Variants in F13B observed in about 807,000 individuals in gnomAD.
F13B encodes coagulation factor XIII B chain.
A neutral mutation model predicts 79.8 loss-of-function variants in F13B; 58 were observed. That is an observed-to-expected ratio of 0.73 (90% CI 0.59 to 0.90). The LOEUF (loss-of-function observed/expected upper bound fraction) is 0.90, where lower values mean the gene tolerates loss of function less well. F13B is among the 40% of genes least tolerant of loss of function. The probability of loss-of-function intolerance (pLI) is 0.00; values close to 1 mark genes in which losing one functional copy is unlikely to be tolerated. For missense variants in F13B, 773 were observed against 777.0 expected (o/e 0.99, Z 0.06); for synonymous variants, 283 against 260.3 (o/e 1.09, Z -0.84).
intron 11 of F13B, 39 bp downstream of exon 11, chr1:197,040,483 C>CA (rs750749748): frequency 2.9e-5 from 41 of 1,438,178 alleles, no homozygotes; most frequent in South Asian, 3.5e-5. Flanking sequence ...ACAATCTGAC[C>CA]AAAAAAAATA....
At position 197,052,666 on chromosome 1, in the gene F13B, C is replaced by T. The variant is rs1655490491; in HGVS notation, c.1523G>A (p.Gly508Glu). 1.2e-6 allele frequency: 2 copies of T among 1,611,298 alleles called. No homozygotes were observed. The highest frequency in any genetic ancestry group is 1.1e-5 in the South Asian group (1 of 90,986). The change falls in exon 9 of 12, where the codon GGA (glycine) becomes GAA (glutamate). Residue 508 changes from glycine (G) to glutamate (E), a missense_variant. Coordinates refer to ENST00000367412, the MANE Select transcript of F13B (RefSeq NM_001994.3). ...AGTACATAAAGGATATTTCACTTCT[C>T]CTCTGTTGCACTGCACAGATAATTC... ...LSELSVQCNR[G>E]EVKYPLCTRK...
Position 197,040,753 on chromosome 1 carries a change from A to T in F13B, c.1739-18T>A. On this transcript the variant is annotated intron_variant, in intron 10 of 11. Coordinates refer to ENST00000367412, the MANE Select transcript of F13B (RefSeq NM_001994.3). ...GCATGGCTCTGGGAACAACAATTTA[A>T]AAAAAAAGAAAGAAAAAGAAGAAAA... is the stretch of plus-strand genomic sequence containing the variant. 6.4e-7 allele frequency: 1 copy of T among 1,570,586 alleles called. No individual in the cohort carries two copies. Among genetic ancestry groups the T allele is most frequent in the Non-Finnish European group, 8.7e-7 (1 of 1,149,018 alleles).
intron 9 of F13B, 121 bp downstream of exon 9, chr1:197,052,513 A>G: frequency 1.5e-6 from 1 of 685,532 alleles, no homozygotes; most frequent in Non-Finnish European, 2.4e-6. Context: ...ATAAAATAAA[A>G]TAAAACAAAA....
At position 197,062,865 on chromosome 1, in the gene F13B, C is replaced by T; in HGVS notation, c.257G>A (p.Arg86Lys). 6.2e-7 allele frequency: 1 copy of T among 1,613,742 alleles called. No homozygotes were observed. The highest frequency in any genetic ancestry group is 8.5e-7 in the Non-Finnish European group (1 of 1,179,738). ...ATATCCAGCTGACTTACTGAAGCAC[C>T]TTGGCTCTGGAGACCAGCCTTCTGT... ...CTTEGWSPEP[R>K]CFKKCTKPDL... Residue 86 changes from arginine to lysine, a missense_variant, in exon 2 of 12, where the codon AGG becomes AAG. Transcript: ENST00000367412.
intron 10 of F13B, 86 bp downstream of exon 10, chr1:197,050,611 A>T: frequency 8.7e-7 from 1 of 1,144,392 alleles, no homozygotes; most frequent in East Asian, 2.5e-5. Flanking sequence ...ATATAGCATT[A>T]TATTAGTGTT....
chr1:197,061,089 A>G lies in F13B; in HGVS notation c.452-14T>C. On this transcript the variant is annotated splice_polypyrimidine_tract_variant and intron_variant, in intron 3 of 11. Transcript: ENST00000367412. ...CCAAACATGTTTCTAAAATTATAAA[A>G]ATTATTTATTTTATAAACTTTTTTA... The G allele has an allele frequency of 7.9e-7, 1 of 1,267,390 alleles. No homozygotes were observed. The highest frequency in any genetic ancestry group is 1.1e-6 in the Non-Finnish European group (1 of 927,018). 78.5% of individuals were successfully genotyped at this position (1,267,390 alleles called of 1,614,324 possible).
At chr1:197,046,191 A>G (rs965675681) in intron 10 of F13B, among the ~76,000 whole-genome samples, 1 of 152,176 alleles carries the variant, frequency 6.6e-6, no homozygotes, top group Non-Finnish European at 1.5e-5. Flanking sequence ...AAAGAAATAA[A>G]TGGTATTAAA....
Position 197,038,864 on chromosome 1 carries a change from A to G in F13B, c.*514T>C, listed in dbSNP as rs1232043599. ...AACGTTGTAGCAAATATTACAGTTA[A>G]TTTTAAAAGTTTTTTACATTTAGAA... On this transcript the variant is annotated 3_prime_UTR_variant, in exon 12 of 12. Coordinates refer to ENST00000367412, the MANE Select transcript of F13B (RefSeq NM_001994.3). Among the ~76,000 whole-genome samples the G allele has an allele frequency of 6.6e-6, 1 of 152,044 alleles. No individual in the cohort carries two copies. The highest frequency in any genetic ancestry group is 1.5e-5 in the Non-Finnish European group (1 of 67,984).
intron 9 of F13B, among the ~76,000 whole-genome samples, chr1:197,051,596 A>AT (rs1171050287): frequency 6.6e-6 from 1 of 151,988 alleles, no homozygotes; most frequent in Non-Finnish European, 1.5e-5. Context: ...AAACCTCTTG[A>AT]TTTTTTCCCT....
At chr1:197,043,073 C>T (rs1655101408) in intron 10 of F13B, among the ~76,000 whole-genome samples, 1 of 151,918 alleles carries the variant, frequency 6.6e-6, no homozygotes, top group African/African-American at 2.4e-5. Flanking sequence ...CTAGCTTTTC[C>T]CTAAGGTACT....
rs1373782383 is a variant in F13B, at chr1:197,050,804, T to C, written c.1631A>G (p.Glu544Gly). The stretch of plus-strand genomic sequence containing the variant: ...TCTGTATTCTACTGAAGAGCCATTT[T>C]CATAGGTGTCTACTGTTGAACTAAT... ...VIISSTVDTY[E>G]NGSSVEYRCF... The change falls in exon 10 of 12, where the codon GAA becomes GGA. Residue 544 changes from glutamate to glycine, a missense_variant. Physicochemically the swap from Glu to Gly is moderately conservative, Grantham distance 98. Coordinates refer to ENST00000367412, the MANE Select transcript of F13B (RefSeq NM_001994.3). 6.2e-7 allele frequency: 1 copy of C among 1,613,452 alleles called. No individual in the cohort carries two copies. Among genetic ancestry groups the C allele is most frequent in the Admixed American group, 1.7e-5 (1 of 59,874 alleles).
At chr1:197,049,927 T>C (rs963315902) in intron 10 of F13B, among the ~76,000 whole-genome samples, 7 of 152,136 alleles carry the variant, frequency 4.6e-5, no homozygotes, top group African/African-American at 1.7e-4. Context: ...GTAATAATTA[T>C]GTAATTATTT....
chr1:197,055,545 A>G (rs972909826), intron 8 of F13B, among the ~76,000 whole-genome samples, 170 bp downstream of exon 8: 1 of 152,152 alleles, frequency 6.6e-6, no homozygotes, highest in Admixed American at 6.6e-5. Context: ...ATATTTTACC[A>G]CAATAGAAAA....
In F13B at chr1:197,060,988, C is replaced by T. The variant is rs985149391; in HGVS notation, c.539G>A (p.Cys180Tyr). Residue 180 changes from cysteine to tyrosine, a missense_variant, in exon 4 of 12, where the codon TGT becomes TAT. Coordinates refer to ENST00000367412, the MANE Select transcript of F13B (RefSeq NM_001994.3). The stretch of plus-strand genomic sequence containing the variant: ...TCCAGCTGTGTAGTAGCCAGTAGCA[C>T]ATTCGTATTGTACTTTGTCCTTCAC... ...FKVKDKVQYE[C>Y]ATGYYTAGGK... 6.2e-7 allele frequency: 1 copy of T among 1,611,648 alleles called. No homozygotes were observed. The highest frequency in any genetic ancestry group is 8.5e-7 in the Non-Finnish European group (1 of 1,178,048).
chr1:197,052,759 A>G lies in F13B; in HGVS notation c.1430T>C (p.Leu477Ser). The G allele has an allele frequency of 2.5e-6, 4 of 1,611,132 alleles. No homozygotes were observed. Among genetic ancestry groups the G allele is most frequent in the Non-Finnish European group, 3.4e-6 (4 of 1,178,398 alleles). ...TACAAAATCTATTAAATCTCCATGT[A>G]AGACTTTCCCTTCATATTTCCACTT... ...EMKWKYEGKV[L>S]HGDLIDFVCK... The change falls in exon 9 of 12, where the codon TTA becomes TCA. Residue 477 changes from leucine to serine, a missense_variant. Physicochemically the swap from Leu to Ser is moderately radical, Grantham distance 145. Transcript: ENST00000367412.
chr1:197,045,264 C>A (rs1040932431), intron 10 of F13B, among the ~76,000 whole-genome samples: 1 of 151,612 alleles, frequency 6.6e-6, no homozygotes, highest in Non-Finnish European at 1.5e-5. Flanking sequence ...AGACTGAGAG[C>A]AAGACTAATA....
rs1655929237 is a variant in F13B, at chr1:197,063,137, TAA to T, written c.65-82_65-81del. 2.3e-6 allele frequency: 3 copies of T among 1,279,574 alleles called. No homozygotes were observed. In the South Asian group the frequency reaches 3.7e-5, roughly 16 times the overall value. The allele number at this position is 1,279,574 out of a possible 1,614,324, so 79.3% of individuals were successfully genotyped here. A position where few individuals can be genotyped will look rare whatever the true frequency, so the allele number is the denominator to read the frequency against. On this transcript the variant is annotated intron_variant, in intron 1 of 11. Transcript: ENST00000367412. ...TTTGTAATCAGGTGACAATACAAAC[TAA>T]AAGTTTTTAGAGACACTTCAACTAG... is the stretch of plus-strand genomic sequence containing the variant.
chr1:197,060,950 C>A lies in F13B; in HGVS notation c.577G>T (p.Glu193Ter). The change falls in exon 4 of 12, where the codon GAG becomes TAG. Residue 193 changes from glutamate to a stop codon, truncating the protein, a stop_gained. Transcript: ENST00000367412. LOFTEE classifies it high-confidence loss of function. Reference sequence around the variant, plus strand: ...CCGTATGTGAGACATTCTACCTCCTCTGTCTTCTTTCCTCCAGCTGTGTAG... The same window carrying A: ...CCGTATGTGAGACATTCTACCTCCTATGTCTTCTTTCCTCCAGCTGTGTAG... ...GYYTAGGKKT[E>*]EVECLTYGWS... The A allele has an allele frequency of 6.2e-7, 1 of 1,613,298 alleles. No individual in the cohort carries two copies. Among genetic ancestry groups the A allele is most frequent in the Non-Finnish European group, 8.5e-7 (1 of 1,179,472 alleles).
At chr1:197,053,379 G>A (rs987169674) in intron 8 of F13B, among the ~76,000 whole-genome samples, 1 of 152,028 alleles carries the variant, frequency 6.6e-6, no homozygotes, top group Non-Finnish European at 1.5e-5. Flanking sequence ...TGAATCCTGG[G>A]GTGGGTCTTT....
Sources: gnomAD v4.1 joint callset for allele counts (sites outside exome capture counted in the v4.1 genomes callset) on GRCh38, gnomAD v4.1.1 for gene constraint, MANE v1.5 for transcripts, NCBI Gene and HGNC (gene_info 2026-07-23, HGNC 2026-07-21) for gene names.